Variants in GALNT13 observed in about 807,000 individuals in gnomAD.
GALNT13 encodes the protein UDP-GalNAc:polypeptide N-acetylgalactosaminyltransferase 13.
A neutral mutation model predicts 64.2 loss-of-function variants in GALNT13; 28 were observed. That is an observed-to-expected ratio of 0.44 (90% CI 0.32 to 0.60). The LOEUF (loss-of-function observed/expected upper bound fraction) is 0.60. Ranked by LOEUF, GALNT13 falls within the 20% of genes least tolerant of loss-of-function variation. The pLI, the probability that GALNT13 is intolerant of heterozygous loss-of-function variation, is 0.05. For synonymous variants in GALNT13, 214 were observed against 224.6 expected (o/e 0.95, Z 0.42); for missense variants, 577 against 669.8 (o/e 0.86, Z 1.53).
chr2:153,081,325 G>T, the GALNT13 span, among the ~76,000 whole-genome samples: 1 of 152,038 alleles, frequency 6.6e-6, no homozygotes, highest in Non-Finnish European at 1.5e-5. Context: ...TGGAGATCAG[G>T]ATGTCCATTC....
At chr2:153,512,752 T>C in the GALNT13 span, among the ~76,000 whole-genome samples, 10 of 151,926 alleles carry the variant, frequency 6.6e-5, no homozygotes, top group African/African-American at 2.4e-4. Context: ...AATTTGCTTT[T>C]GAGGGGTAAA....
intron 11 of GALNT13, among the ~76,000 whole-genome samples, chr2:154,416,657 A>G (rs533168966): frequency 1.3e-5 from 2 of 152,066 alleles, no homozygotes; most frequent in Non-Finnish European, 2.9e-5. Context: ...TTTTTGGGGG[A>G]TCATGAGTTA....
intron 4 of GALNT13, among the ~76,000 whole-genome samples, chr2:154,211,277 G>A (rs766430190): frequency 9.2e-5 from 14 of 151,954 alleles, no homozygotes; most frequent in Non-Finnish European, 1.9e-4. Context: ...TACTGACTAC[G>A]GTAGGCAATT....
At chr2:153,608,838 T>C in the GALNT13 span, among the ~76,000 whole-genome samples, 1 of 147,560 alleles carries the variant, frequency 6.8e-6, no homozygotes, top group Non-Finnish European at 1.5e-5. Flanking sequence ...TAAATATATA[T>C]TAAAAATATT....
the GALNT13 span, among the ~76,000 whole-genome samples, chr2:153,453,094 T>C: frequency 2.0e-5 from 3 of 152,166 alleles, no homozygotes; most frequent in Non-Finnish European, 2.9e-5. Flanking sequence ...GACCACTACC[T>C]CTCACCATAT....
intron 9 of GALNT13, among the ~76,000 whole-genome samples, chr2:154,393,028 T>A (rs1342851671): frequency 2.0e-5 from 3 of 152,228 alleles, no homozygotes; most frequent in Admixed American, 6.5e-5. Flanking sequence ...TTGTGCTAGA[T>A]ACTGAAATGA....
intron 4 of GALNT13, among the ~76,000 whole-genome samples, chr2:154,148,046 C>A (rs956245681): frequency 5.3e-5 from 8 of 152,006 alleles, no homozygotes; most frequent in Non-Finnish European, 8.8e-5. Flanking sequence ...TTAGGTATAT[C>A]TCCTAATGCT....
chr2:154,344,820 T>C (rs1448719134), intron 9 of GALNT13, among the ~76,000 whole-genome samples: 1 of 151,974 alleles, frequency 6.6e-6, no homozygotes, highest in Non-Finnish European at 1.5e-5. Context: ...AGGTATATTT[T>C]GAATTCTAGA....
At chr2:154,412,975 A>G (rs1699857949) in intron 11 of GALNT13, among the ~76,000 whole-genome samples, 1 of 151,936 alleles carries the variant, frequency 6.6e-6, no homozygotes, top group Non-Finnish European at 1.5e-5. Flanking sequence ...TAACTTGAAT[A>G]TAAACTTTTA....
At position 154,051,682 on chromosome 2, in the gene GALNT13, C is replaced by T. The variant is rs576544174; in HGVS notation, c.143-88655C>T. ...AATAATCTACTTCATTTAGATTTTT[C>T]CTTCTAAACCGAGTATAAATTCCCA... On this transcript the variant is annotated intron_variant, in intron 3 of 12. Coordinates refer to ENST00000392825, the MANE Select transcript of GALNT13 (RefSeq NM_052917.4). Among the ~76,000 whole-genome samples the T allele has an allele frequency of 1.4e-4, 22 of 152,272 alleles. 1 individual carries two copies. The South Asian group carries it at 4.4e-3, about 30-fold the overall frequency.
the GALNT13 span, among the ~76,000 whole-genome samples, chr2:153,203,878 C>CAT: frequency 6.6e-6 from 1 of 151,384 alleles, no homozygotes; most frequent in Non-Finnish European, 1.5e-5. Context: ...CGTGTCTACA[C>CAT]ACACACACAC....
the GALNT13 span, among the ~76,000 whole-genome samples, chr2:153,518,371 A>G: frequency 1.3e-5 from 2 of 152,156 alleles, no homozygotes; most frequent in African/African-American, 2.4e-5. Flanking sequence ...GATACCTGAC[A>G]TGGTTTCTGA....
the GALNT13 span, among the ~76,000 whole-genome samples, chr2:153,069,582 A>G: frequency 6.6e-6 from 1 of 152,182 alleles, no homozygotes; most frequent in South Asian, 2.1e-4. Flanking sequence ...CCACAGAGAA[A>G]AAGTGACTCA....
At chr2:153,924,732 T>C (rs567333766) in intron 2 of GALNT13, among the ~76,000 whole-genome samples, 11 of 152,280 alleles carry the variant, frequency 7.2e-5, no homozygotes, top group African/African-American at 2.6e-4. Flanking sequence ...GTTGTTTTTT[T>C]ACTTTTTAAT....
intron 9 of GALNT13, among the ~76,000 whole-genome samples, chr2:154,379,417 C>T (rs979890728): frequency 6.6e-6 from 1 of 151,844 alleles, no homozygotes; most frequent in African/African-American, 2.4e-5. Flanking sequence ...GGTTATGAAG[C>T]TGTGAATGAA....
chr2:153,322,727 C>T, the GALNT13 span, among the ~76,000 whole-genome samples: 2 of 152,164 alleles, frequency 1.3e-5, no homozygotes, highest in Non-Finnish European at 2.9e-5. Context: ...GTTCAACTCC[C>T]ACTTATGAGT....
intron 8 of GALNT13, among the ~76,000 whole-genome samples, chr2:154,266,223 A>T (rs1690990783): frequency 6.6e-6 from 1 of 152,200 alleles, no homozygotes; most frequent in Non-Finnish European, 1.5e-5. Flanking sequence ...ATAAATAAAG[A>T]TTTTGGATCT....
At chr2:153,407,137 A>C in the GALNT13 span, among the ~76,000 whole-genome samples, 1 of 152,278 alleles carries the variant, frequency 6.6e-6, no homozygotes, top group East Asian at 1.9e-4. Context: ...ACCTGGTCTC[A>C]TAACTTGCAG....
chr2:153,364,165 A>G, the GALNT13 span, among the ~76,000 whole-genome samples: 2 of 152,198 alleles, frequency 1.3e-5, no homozygotes, highest in Non-Finnish European at 2.9e-5. Context: ...AGATGCAGAA[A>G]AGGCCTTTGA....
Sources: allele counts gnomAD v4.1 joint callset (sites outside exome capture counted in the v4.1 genomes callset), GRCh38; gene constraint gnomAD v4.1.1; transcripts MANE v1.5; gene names NCBI Gene and HGNC (gene_info 2026-07-23, HGNC 2026-07-21).